Variants in CYP19A1 observed in about 807,000 individuals in gnomAD.
The protein encoded by CYP19A1 is aromatase.
Under a neutral mutation model 44.4 loss-of-function variants are expected in CYP19A1, and 32 were observed. The observed-to-expected ratio is 0.72, with a 90% CI of 0.54 to 0.97. CYP19A1 has a LOEUF of 0.97. CYP19A1 is among the 50% of genes least tolerant of loss of function. The pLI is 0.00. For missense variants in CYP19A1, 598 were observed against 637.8 expected, an observed-to-expected ratio of 0.94 and a Z score of 0.67; for synonymous variants, 212 against 215.6, an observed-to-expected ratio of 0.98 and a Z score of 0.14.
At chr15:51,333,104 A>G (rs1188640315) in intron 1 of CYP19A1, among the ~76,000 whole-genome samples, 1 of 152,122 alleles carries the variant, frequency 6.6e-6, no homozygotes, top group Non-Finnish European at 1.5e-5. Flanking sequence ...CTCTACTGGA[A>G]TGTTTATGTC....
chr15:51,269,996 C>G (rs908075102), intron 1 of CYP19A1, among the ~76,000 whole-genome samples: 3 of 138,720 alleles, frequency 2.2e-5, no homozygotes, highest in Non-Finnish European at 5.0e-5. Flanking sequence ...AATTCTACCC[C>G]AAAAAGTCTG....
chr15:51,311,715 T>C (rs553288686), intron 1 of CYP19A1, among the ~76,000 whole-genome samples: 1 of 152,306 alleles, frequency 6.6e-6, no homozygotes, highest in South Asian at 2.1e-4. Context: ...TCCTCACTTA[T>C]CTGGACTCTG....
chr15:51,269,211 G>A (rs1414708768), intron 1 of CYP19A1, among the ~76,000 whole-genome samples: 1 of 151,978 alleles, frequency 6.6e-6, no homozygotes, highest in Non-Finnish European at 1.5e-5. Flanking sequence ...ATGAGGTAAG[G>A]GTTAATAGGG....
At chr15:51,314,478 A>G (rs1287531869) in intron 1 of CYP19A1, among the ~76,000 whole-genome samples, 1 of 152,072 alleles carries the variant, frequency 6.6e-6, no homozygotes, top group South Asian at 2.1e-4. Flanking sequence ...ATTCTGGGAG[A>G]GTGATGAGAT....
chr15:51,298,004 G>T (rs77009545), intron 1 of CYP19A1, among the ~76,000 whole-genome samples: 1 of 152,136 alleles, frequency 6.6e-6, no homozygotes, highest in Non-Finnish European at 1.5e-5. Context: ...CAGAGAAGAC[G>T]TTGGAGCTGG....
At chr15:51,217,138 T>G (rs1347337660) in intron 6 of CYP19A1, among the ~76,000 whole-genome samples, 1 of 152,242 alleles carries the variant, frequency 6.6e-6, no homozygotes, top group African/African-American at 2.4e-5. Context: ...TGTGGTGCCC[T>G]CTTCCTAGTA....
intron 1 of CYP19A1, among the ~76,000 whole-genome samples, chr15:51,295,756 T>G (rs531793188): frequency 6.6e-6 from 1 of 152,276 alleles, no homozygotes; most frequent in Non-Finnish European, 1.5e-5. Context: ...ACATTCAAGT[T>G]GAGCTGGGTC....
rs909375617 is a variant in CYP19A1, at chr15:51,210,247, G to A, written c.*561C>T. 5 of 422,714 alleles carry A rather than the reference G, an allele frequency of 1.2e-5. No individual in the cohort carries two copies. In the East Asian group the frequency reaches 3.4e-4, roughly 29 times the overall value. The allele number at this position is 422,714 out of a possible 1,614,324, so 26.2% of individuals were successfully genotyped here. On this transcript the variant is annotated 3_prime_UTR_variant, in exon 10 of 10. Transcript: ENST00000396402. The stretch of plus-strand genomic sequence containing the variant: ...ATATGTAGACAAACAGGAATTAATT[G>A]GGCTTAATTCACAGCAAGGGTCAAA...
At chr15:51,211,355 G>C (rs2030964092) in intron 9 of CYP19A1, among the ~76,000 whole-genome samples, 2 of 152,216 alleles carry the variant, frequency 1.3e-5, no homozygotes, top group Non-Finnish European at 1.5e-5. Flanking sequence ...AGGTAGCTCT[G>C]TGGAATAGCC....
At chr15:51,230,348 T>G (rs1388131703) in intron 3 of CYP19A1, among the ~76,000 whole-genome samples, 1 of 152,034 alleles carries the variant, frequency 6.6e-6, no homozygotes, top group Non-Finnish European at 1.5e-5. Flanking sequence ...CTGAGGAGAG[T>G]CCAGCTGAGT....
intron 1 of CYP19A1, among the ~76,000 whole-genome samples, chr15:51,264,179 G>A (rs2034832836): frequency 1.3e-5 from 2 of 152,206 alleles, no homozygotes; most frequent in Non-Finnish European, 2.9e-5. Context: ...GGGAGCTGGA[G>A]GGTGGTGGCA....
intron 1 of CYP19A1, among the ~76,000 whole-genome samples, chr15:51,247,219 G>A (rs1490517281): frequency 6.6e-6 from 1 of 152,056 alleles, no homozygotes; most frequent in Non-Finnish European, 1.5e-5. Flanking sequence ...CCAGCCTAAA[G>A]CGTTTGCCCT....
chr15:51,253,431 G>A (rs1211188812), intron 1 of CYP19A1, among the ~76,000 whole-genome samples: 5 of 152,202 alleles, frequency 3.3e-5, no homozygotes, highest in Non-Finnish European at 5.9e-5. Flanking sequence ...AGGTTGGGGA[G>A]TGGGGTAGTC....
intron 9 of CYP19A1, 114 bp from the exon 10 acceptor site, chr15:51,211,170 C>G: frequency 1.4e-6 from 1 of 732,562 alleles, no homozygotes; most frequent in South Asian, 1.5e-5. Context: ...GGGTTATCAG[C>G]TACAATGCCC....
At chr15:51,296,514 G>A (rs1046915090) in intron 1 of CYP19A1, among the ~76,000 whole-genome samples, 11 of 152,160 alleles carry the variant, frequency 7.2e-5, no homozygotes, top group Admixed American at 1.3e-4. Flanking sequence ...GATCCCCAGC[G>A]CCAATCCATG....
intron 1 of CYP19A1, among the ~76,000 whole-genome samples, chr15:51,245,386 A>G (rs189410415): frequency 2.5e-3 from 385 of 152,270 alleles, no homozygotes; most frequent in African/African-American, 8.8e-3. Context: ...ACATGTGCAC[A>G]TTGTGCAGGT....
At chr15:51,296,569 T>C (rs2035999197) in intron 1 of CYP19A1, among the ~76,000 whole-genome samples, 1 of 152,146 alleles carries the variant, frequency 6.6e-6, no homozygotes, top group Admixed American at 6.5e-5. Context: ...TTACAGAAAA[T>C]GAGGTACATT....
chr15:51,231,968 A>G (rs2033072597), intron 3 of CYP19A1, among the ~76,000 whole-genome samples: 1 of 150,808 alleles, frequency 6.6e-6, no homozygotes, highest in African/African-American at 2.4e-5. Context: ...GGACCTCTTC[A>G]CATCTCACCT....
intron 1 of CYP19A1, among the ~76,000 whole-genome samples, chr15:51,261,146 G>A (rs1402658693): frequency 6.6e-6 from 1 of 152,188 alleles, no homozygotes; most frequent in South Asian, 2.1e-4. Flanking sequence ...TAATCGAGCT[G>A]AACACTAGTT....
Sources: gnomAD v4.1 joint callset for allele counts (sites outside exome capture counted in the v4.1 genomes callset) on GRCh38, gnomAD v4.1.1 for gene constraint, MANE v1.5 for transcripts, NCBI Gene and HGNC (gene_info 2026-07-23, HGNC 2026-07-21) for gene names.